Variants in SENP6 observed in about 807,000 individuals in gnomAD.
SENP6 encodes the protein sentrin-specific protease 6.
SENP6 carries 41 observed loss-of-function variants against 134.5 expected under a neutral mutation model. The observed-to-expected ratio is 0.30, with a 90% CI of 0.24 to 0.40. The LOEUF (loss-of-function observed/expected upper bound fraction) is 0.40. Ranked by LOEUF, SENP6 falls within the 10% of genes least tolerant of loss-of-function variation. The probability of loss-of-function intolerance (pLI) is 1.00; values close to 1 mark genes in which losing one functional copy is unlikely to be tolerated. For missense variants in SENP6, 1,248 were observed against 1,312.5 expected (o/e 0.95, Z 0.76); for synonymous variants, 395 against 429.8 (o/e 0.92, Z 1.00).
chr6:75,653,107 C>G (rs867447516), intron 7 of SENP6, among the ~76,000 whole-genome samples: 4 of 152,004 alleles, frequency 2.6e-5, no homozygotes, highest in African/African-American at 9.7e-5. Context: ...CTCAGCTCAC[C>G]GCAACCTCCA....
rs756561999 is a variant in SENP6 at position 75,666,793 on chromosome 6, C to T, written c.1076C>T (p.Ala359Val). The T allele has an allele frequency of 6.2e-7, 1 of 1,613,216 alleles. No homozygotes were observed. The change falls in exon 10 of 24, where the codon GCA (alanine) becomes GTA (valine). Residue 359 changes from alanine to valine, a missense_variant. By Grantham distance (64) the Ala-to-Val change is moderately conservative (BLOSUM62 0). Transcript: ENST00000447266. Reference protein sequence around the residue: ...ESISPQPADSACSSPAPSTGK... With the variant: ...ESISPQPADSVCSSPAPSTGK... ...ATATCTCCTCAGCCTGCTGATTCAG[C>T]ATGTTCTTCCCCTGCACCATCCACT...
chr6:75,637,004 CTGAG>C (rs980373838), intron 5 of SENP6, among the ~76,000 whole-genome samples: 5 of 152,070 alleles, frequency 3.3e-5, no homozygotes, highest in African/African-American at 1.2e-4. Context: ...CTTCAGCCTC[CTGAG>C]TAACTAGGAC....
At chr6:75,661,820 AGGT>A (rs1453496452) in intron 8 of SENP6, among the ~76,000 whole-genome samples, 18 of 152,220 alleles carry the variant, frequency 1.2e-4, no homozygotes, top group African/African-American at 4.1e-4. Context: ...AGGCCGAGGC[AGGT>A]GGTGGATCAC....
chr6:75,714,597 T>G (rs1011823424), intron 23 of SENP6, among the ~76,000 whole-genome samples: 2 of 152,338 alleles, frequency 1.3e-5, no homozygotes, highest in East Asian at 3.9e-4. Context: ...AGTGGCTTCC[T>G]GTGGCTGTTG....
Position 75,634,827 on chromosome 6 carries a change from G to A in SENP6, c.458+16G>A, listed in dbSNP as rs72654720. On this transcript the variant is annotated intron_variant, in intron 5 of 23. Transcript: ENST00000447266. ...CAGCCCAAAGGTAAGAATTCTAATTGTCTTTGGTTAGTATATACATGGCAT... is the reference window on the plus strand; with the variant it reads ...CAGCCCAAAGGTAAGAATTCTAATTATCTTTGGTTAGTATATACATGGCAT... 13,601 of 1,522,076 alleles carry A rather than the reference G, an allele frequency of 8.9e-3. 610 individuals carry two copies. In the East Asian group the frequency reaches 0.15, roughly 16 times the overall value. The allele number at this position is 1,522,076 out of a possible 1,614,324, so 94.3% of individuals were successfully genotyped here.
chr6:75,715,249 C>T, intron 23 of SENP6, 136 bp from the exon 24 acceptor site: 1 of 656,538 alleles, frequency 1.5e-6, no homozygotes, highest in Non-Finnish European at 2.7e-6. Flanking sequence ...CAGTACTTGG[C>T]ATGTGATAGA....
chr6:75,605,615 T>G (rs1766971044), intron 1 of SENP6, among the ~76,000 whole-genome samples: 1 of 152,126 alleles, frequency 6.6e-6, no homozygotes, highest in Admixed American at 6.5e-5. Context: ...GCAGAGGGGA[T>G]GCGTGTAAAG....
chr6:75,611,880 A>G (rs1767476770), intron 1 of SENP6: 2 of 152,252 alleles, frequency 1.3e-5, no homozygotes, highest in Admixed American at 6.5e-5. Flanking sequence ...GGTACATAGA[A>G]GTAGATAGAC....
intron 7 of SENP6, among the ~76,000 whole-genome samples, chr6:75,656,466 C>T (rs904489604): frequency 6.6e-6 from 1 of 152,190 alleles, no homozygotes; most frequent in Admixed American, 6.5e-5. Flanking sequence ...AAAACTTCCA[C>T]AGGCCACTTA....
chr6:75,641,559 C>T (rs1554164409), intron 6 of SENP6, among the ~76,000 whole-genome samples: 2 of 152,114 alleles, frequency 1.3e-5, no homozygotes, highest in African/African-American at 2.4e-5. Flanking sequence ...CTGGCAGACA[C>T]ATGTTGTTCT....
chr6:75,706,286 G>T (rs1000347476), intron 19 of SENP6, among the ~76,000 whole-genome samples: 2 of 152,000 alleles, frequency 1.3e-5, no homozygotes, highest in African/African-American at 4.8e-5. Context: ...TGTGATGATG[G>T]CTGTGCATAT....
rs191205408 is a variant in SENP6 at position 75,693,456 on chromosome 6, C to A, written c.2076-2348C>A. ...ACCAAAGTAGCCATTATAGTTTGGG[C>A]CAGCAAAAGTCTCATGGTTCACTCA... On this transcript the variant is annotated intron_variant, in intron 16 of 23. Coordinates refer to ENST00000447266, the MANE Select transcript of SENP6 (RefSeq NM_015571.4). 2.4e-3 allele frequency among the ~76,000 whole-genome samples: 357 copies of A among 150,732 alleles called. 1 individual carries two copies. The highest frequency in any genetic ancestry group is 4.0e-3 in the Non-Finnish European group (268 of 67,788).
chr6:75,697,742 CATTTT>C, intron 18 of SENP6: 2 of 399,930 alleles, frequency 5.0e-6, no homozygotes, highest in Non-Finnish European at 4.5e-6. Flanking sequence ...TTTCTAATCT[CATTTT>C]ATTCATTAAT....
intron 19 of SENP6, among the ~76,000 whole-genome samples, chr6:75,704,543 G>A (rs56173875): frequency 0.24 from 37,095 of 152,154 alleles, 5,903 homozygotes; most frequent in Non-Finnish European, 0.37. Context: ...ATGTACAATC[G>A]GGTTTTATAC....
Position 75,695,870 on chromosome 6 carries a change from C to T in SENP6, c.2142C>T (p.Phe714=), listed in dbSNP as rs1300634346. ...ADRIHIFSSF[F]YKRLNQRERR... Reference sequence around the variant, plus strand: ...GAATTCATATATTCAGTTCTTTTTTCTATAAACGCCTTAATCAGAGAGAGA... The same window carrying T: ...GAATTCATATATTCAGTTCTTTTTTTTATAAACGCCTTAATCAGAGAGAGA... The change falls in exon 17 of 24, where the codon TTC becomes TTT. Residue 714 remains phenylalanine (F), a synonymous_variant. Coordinates refer to ENST00000447266, the MANE Select transcript of SENP6 (RefSeq NM_015571.4). 6.2e-7 allele frequency: 1 copy of T among 1,606,218 alleles called. No homozygotes were observed. The highest frequency in any genetic ancestry group is 1.3e-5 in the African/African-American group (1 of 74,530).
In SENP6 at chr6:75,653,618, G is replaced by A. The variant is rs1771084127; in HGVS notation, c.551-5644G>A. Among the ~76,000 whole-genome samples, 3 of 150,862 alleles carry A rather than the reference G, an allele frequency of 2.0e-5. No individual in the cohort carries two copies. In the South Asian group the frequency reaches 6.2e-4, roughly 31 times the overall value. ...TGAAGTATTTAATAAATTGCTCTAG[G>A]AATCAATTTCAACATTTTTTCTCAT... On this transcript the variant is annotated intron_variant, in intron 7 of 23. Coordinates refer to ENST00000447266, the MANE Select transcript of SENP6 (RefSeq NM_015571.4).
At position 75,703,087 on chromosome 6, in the gene SENP6, G is replaced by A. The variant is rs1775152865; in HGVS notation, c.2716+15G>A. 2.0e-6 allele frequency: 3 copies of A among 1,527,564 alleles called. No homozygotes were observed. Among genetic ancestry groups the A allele is most frequent in the Non-Finnish European group, 2.6e-6 (3 of 1,132,754 alleles). 94.6% of individuals were successfully genotyped at this position (1,527,564 alleles called of 1,614,324 possible). A position where few individuals can be genotyped will look rare whatever the true frequency, so the allele number is the denominator to read the frequency against. On this transcript the variant is annotated intron_variant, in intron 19 of 23. Coordinates refer to ENST00000447266, the MANE Select transcript of SENP6 (RefSeq NM_015571.4). Reference sequence around the variant, plus strand: ...ACATCATACAGGTATGTATCTAAATGTTTTGAAAGAATGAAAAAATTCAGA... The same window carrying A: ...ACATCATACAGGTATGTATCTAAATATTTTGAAAGAATGAAAAAATTCAGA...
Position 75,715,573 on chromosome 6 carries a change from T to C in SENP6, c.3318T>C (p.Tyr1106=). Reference sequence around the variant, plus strand: ...CTTTAGGCGAAGGAACAGAACAATATGTCAATAGTATCTCAGATTGACCAT... The same window carrying C: ...CTTTAGGCGAAGGAACAGAACAATACGTCAATAGTATCTCAGATTGACCAT... ...EAPLGEGTEQ[Y]VNSISD is the part of the protein sequence containing the mutation. The change falls in exon 24 of 24, where the codon TAT becomes TAC. Residue 1106 remains tyrosine (Y), a synonymous_variant. Coordinates refer to ENST00000447266, the MANE Select transcript of SENP6 (RefSeq NM_015571.4). 2 of 1,610,298 alleles carry C rather than the reference T, an allele frequency of 1.2e-6. No individual in the cohort carries two copies. Among genetic ancestry groups the C allele is most frequent in the East Asian group, 2.2e-5 (1 of 44,776 alleles).
At chr6:75,695,421 A>G (rs973229746) in intron 16 of SENP6, among the ~76,000 whole-genome samples, 1 of 152,214 alleles carries the variant, frequency 6.6e-6, no homozygotes, top group African/African-American at 2.4e-5. Flanking sequence ...TAAAGAAAAA[A>G]GATTTACTGA....
Sources: gnomAD v4.1 joint callset for allele counts (sites outside exome capture counted in the v4.1 genomes callset) on GRCh38, gnomAD v4.1.1 for gene constraint, MANE v1.5 for transcripts, NCBI Gene and HGNC (gene_info 2026-07-23, HGNC 2026-07-21) for gene names.